Variants in GTF3C1 observed in about 807,000 individuals in gnomAD.
GTF3C1 encodes general transcription factor IIIC subunit 1, also known as general transcription factor 3C polypeptide 1.
A neutral mutation model predicts 226.7 loss-of-function variants in GTF3C1; 57 were observed. The ratio of observed to expected loss-of-function variants is 0.25; its 90% CI spans 0.20 to 0.31. The LOEUF (loss-of-function observed/expected upper bound fraction) is 0.31. Ranked by LOEUF, GTF3C1 falls within the 10% of genes least tolerant of loss-of-function variation. The probability of loss-of-function intolerance (pLI) is 1.00; values close to 1 mark genes in which losing one functional copy is unlikely to be tolerated. For missense variants in GTF3C1, 2,217 were observed against 2,776.1 expected (o/e 0.80, Z 4.53); for synonymous variants, 1,090 against 1,084.8 (o/e 1.00, Z -0.09).
intron 2 of GTF3C1, among the ~76,000 whole-genome samples, chr16:27,540,500 C>T (rs1200432928): frequency 6.6e-6 from 1 of 152,180 alleles, no homozygotes; most frequent in Non-Finnish European, 1.5e-5. Context: ...CCCAATGTTT[C>T]TGTTAATTAT....
At chr16:27,537,959 T>C in intron 3 of GTF3C1, 32 bp from the exon 4 acceptor site, 1 of 1,607,566 alleles carries the variant, frequency 6.2e-7, no homozygotes, top group Non-Finnish European at 8.5e-7. Context: ...GTCATTTGCT[T>C]TGCTGGTAGT....
intron 33 of GTF3C1, among the ~76,000 whole-genome samples, chr16:27,465,051 A>AC (rs1379712163): frequency 6.6e-6 from 1 of 152,122 alleles, no homozygotes; most frequent in Non-Finnish European, 1.5e-5. Context: ...CTCGTGAACC[A>AC]CGTCAGCCGT....
intron 33 of GTF3C1, among the ~76,000 whole-genome samples, 187 bp from the exon 34 acceptor site, chr16:27,465,023 T>A (rs534956383): frequency 1.3e-5 from 2 of 152,278 alleles, no homozygotes; most frequent in South Asian, 2.1e-4. Context: ...TGGAGCAGCA[T>A]CTCTTTCTCT....
Position 27,461,589 on chromosome 16 carries a change from A to G in GTF3C1, c.6118-27T>C. On this transcript the variant is annotated intron_variant, in intron 36 of 36. Coordinates refer to ENST00000356183, the MANE Select transcript of GTF3C1 (RefSeq NM_001520.4). The surrounding 1 kb of genome is among the most constrained non-coding windows in gnomAD (Gnocchi z 5.3). ...TGGAGACACCAGACACACAGGTTAC[A>G]GCGGCACTGCCCTCGCCTGCTTGTT... 6.6e-7 allele frequency: 1 copy of G among 1,517,718 alleles called. No homozygotes were observed. Among genetic ancestry groups the G allele is most frequent in the Non-Finnish European group, 9.1e-7 (1 of 1,093,928 alleles). 94.0% of individuals were successfully genotyped at this position (1,517,718 alleles called of 1,614,324 possible).
chr16:27,523,680 C>T (rs2088785488), intron 6 of GTF3C1, among the ~76,000 whole-genome samples: 1 of 152,098 alleles, frequency 6.6e-6, no homozygotes, highest in Non-Finnish European at 1.5e-5. Flanking sequence ...TTAAAAAGGA[C>T]ATAAAGCATG....
intron 13 of GTF3C1, 144 bp from the exon 14 acceptor site, chr16:27,497,965 CAAA>C: frequency 1.6e-6 from 1 of 642,064 alleles, no homozygotes. Context: ...GGAGATGATG[CAAA>C]CAAAATGTCA....
At chr16:27,527,293 T>C (rs1596653850) in intron 6 of GTF3C1, among the ~76,000 whole-genome samples, 2 of 152,250 alleles carry the variant, frequency 1.3e-5, no homozygotes, top group Admixed American at 6.5e-5. Context: ...GCGATTCTCC[T>C]GCCTCAGCCT....
chr16:27,547,238 G>T (rs4787967), intron 1 of GTF3C1, among the ~76,000 whole-genome samples: 3 of 152,024 alleles, frequency 2.0e-5, no homozygotes, highest in African/African-American at 4.8e-5. Context: ...TCTCTCTTAG[G>T]GCTGATCTTA....
intron 11 of GTF3C1, among the ~76,000 whole-genome samples, chr16:27,502,326 T>C (rs1048492772): frequency 1.9e-4 from 29 of 152,158 alleles, no homozygotes; most frequent in African/African-American, 5.8e-4. Context: ...CTCAGAAGCG[T>C]TGAAGATGCC....
rs2087710280 is a variant in GTF3C1, at chr16:27,461,827, C to CA, written c.6118-266dup. 2.0e-6 allele frequency: 1 copy of CA among 501,712 alleles called. No individual in the cohort carries two copies. Among genetic ancestry groups the CA allele is most frequent in the Non-Finnish European group, 3.6e-6 (1 of 278,422 alleles). The allele number at this position is 501,712 out of a possible 1,614,324, so 31.1% of individuals were successfully genotyped here. On this transcript the variant is annotated intron_variant, in intron 36 of 36. Coordinates refer to ENST00000356183, the MANE Select transcript of GTF3C1 (RefSeq NM_001520.4). The surrounding 1 kb of genome is among the most constrained non-coding windows in gnomAD (Gnocchi z 5.3). ...ATCTCATTTGTGGAGGAGAGGCCTG[C>CA]AGCGCGGGATAAATCCCAGCTTCCT...
intron 2 of GTF3C1, among the ~76,000 whole-genome samples, chr16:27,543,748 C>T (rs1265929524): frequency 1.3e-5 from 2 of 151,992 alleles, no homozygotes; most frequent in Non-Finnish European, 2.9e-5. Flanking sequence ...TGAGGAATGG[C>T]AAGGAAAGTA....
chr16:27,465,350 A>C lies in GTF3C1; in HGVS notation c.5265T>G (p.Phe1755Leu). 7 of 1,614,086 alleles carry C rather than the reference A, an allele frequency of 4.3e-6. No individual in the cohort carries two copies. Among genetic ancestry groups the C allele is most frequent in the Non-Finnish European group, 5.9e-6 (7 of 1,179,968 alleles). ...ILEAIIATGC[F>L]GIDKEELRRR... is the part of the protein sequence containing the mutation. ...TGCGCAGCTCCTCCTTGTCAATCCC[A>C]AAACAACCCGTGGCTATAATGGCTT... Residue 1755 changes from phenylalanine to leucine, a missense_variant, in exon 33 of 37, where the codon TTT becomes TTG. Physicochemically the swap from Phe to Leu is conservative, Grantham distance 22. Coordinates refer to ENST00000356183, the MANE Select transcript of GTF3C1 (RefSeq NM_001520.4).
chr16:27,477,934 C>G (rs1285731065), intron 28 of GTF3C1, among the ~76,000 whole-genome samples: 1 of 152,162 alleles, frequency 6.6e-6, no homozygotes, highest in African/African-American at 2.4e-5. Flanking sequence ...CTTTGAGAGA[C>G]CAAGGTGGGC....
At position 27,463,713 on chromosome 16, in the gene GTF3C1, T is replaced by A; in HGVS notation, c.5873-121A>T. The A allele has an allele frequency of 1.4e-6, 1 of 730,590 alleles. No homozygotes were observed. The highest frequency in any genetic ancestry group is 2.5e-6 in the Non-Finnish European group (1 of 405,306). 45.3% of individuals were successfully genotyped at this position (730,590 alleles called of 1,614,324 possible). On this transcript the variant is annotated intron_variant, in intron 34 of 36. Transcript: ENST00000356183. The surrounding 1 kb of genome is among the most constrained non-coding windows in gnomAD (Gnocchi z 4.9). ...ACCTCGAGGCTCAGGGGATGAAGTGTCAAAAAAAAAGGACAATGAGCATCT... is the reference window on the plus strand; with the variant it reads ...ACCTCGAGGCTCAGGGGATGAAGTGACAAAAAAAAAGGACAATGAGCATCT...
At chr16:27,546,485 T>TTAA (rs1555505898) in intron 1 of GTF3C1, among the ~76,000 whole-genome samples, 25 of 88,520 alleles carry the variant, frequency 2.8e-4, no homozygotes, top group African/African-American at 3.7e-4. Flanking sequence ...TTTTTTTTTT[T>TTAA]GAAAAAAAAA....
rs1360359349 is a variant in GTF3C1 at position 27,470,930 on chromosome 16, G to A, written c.4527-535C>T. On this transcript the variant is annotated intron_variant, in intron 30 of 36. Coordinates refer to ENST00000356183, the MANE Select transcript of GTF3C1 (RefSeq NM_001520.4). This position sits in a 1 kb window ranked among gnomAD's most constrained non-coding sequence, Gnocchi z 4.9. Reference sequence around the variant, plus strand: ...GACCACTGCCCTCGGTTCAGATGGGGACATGCGGTCAGAGCAGTGTCTCCG... The same window carrying A: ...GACCACTGCCCTCGGTTCAGATGGGAACATGCGGTCAGAGCAGTGTCTCCG... 6.6e-6 allele frequency among the ~76,000 whole-genome samples: 1 copy of A among 152,252 alleles called. No homozygotes were observed. The highest frequency in any genetic ancestry group is 1.9e-4 in the East Asian group (1 of 5,194).
Position 27,482,449 on chromosome 16 carries a change from C to T in GTF3C1, c.4083+595G>A, listed in dbSNP as rs190406306. ...GACCTCTGTGGGCCTGTGCCTTCCT[C>T]TTCCGGGAGCTGACTACACTGTCCT... On this transcript the variant is annotated intron_variant, in intron 26 of 36. Coordinates refer to ENST00000356183, the MANE Select transcript of GTF3C1 (RefSeq NM_001520.4). The T allele has an allele frequency of 4.7e-3, 2,135 of 455,908 alleles. 10 individuals are homozygous for T. The highest frequency in any genetic ancestry group is 7.8e-3 in the Non-Finnish European group (1,766 of 226,630). The allele number at this position is 455,908 out of a possible 1,614,324, so 28.2% of individuals were successfully genotyped here. A position where few individuals can be genotyped will look rare whatever the true frequency, so the allele number is the denominator to read the frequency against.
At chr16:27,474,979 G>A (rs1422407659) in intron 29 of GTF3C1, among the ~76,000 whole-genome samples, 3 of 152,228 alleles carry the variant, frequency 2.0e-5, no homozygotes, top group East Asian at 3.9e-4. Flanking sequence ...TGGGTGTGCT[G>A]AGGTCTGGCC....
At chr16:27,499,730 G>A (rs2088376826) in intron 12 of GTF3C1, among the ~76,000 whole-genome samples, 1 of 152,148 alleles carries the variant, frequency 6.6e-6, no homozygotes, top group South Asian at 2.1e-4. Context: ...AGAATTCAAA[G>A]GCAAGGGAGA....
Sources: gnomAD v4.1 joint callset for allele counts (sites outside exome capture counted in the v4.1 genomes callset) on GRCh38, gnomAD v4.1.1 for gene constraint, Gnocchi (gnomAD v3.1) non-coding constraint, MANE v1.5 for transcripts, NCBI Gene and HGNC (gene_info 2026-07-23, HGNC 2026-07-21) for gene names.